GRM7: variants seen among roughly 807,000 people sequenced by gnomAD.
GRM7 encodes metabotropic glutamate receptor 7.
In GRM7, 35 loss-of-function variants were observed where a neutral mutation model predicts 84.5. The ratio of observed to expected loss-of-function variants is 0.41; its 90% CI spans 0.32 to 0.55. The LOEUF is 0.55. Among genes scored for constraint, GRM7 ranks in the 20% least tolerant of loss-of-function variants. The pLI, the probability that GRM7 is intolerant of heterozygous loss-of-function variation, is 0.19. For synonymous variants in GRM7, 487 were observed against 455.1 expected, an observed-to-expected ratio of 1.07 and a Z score of -0.89; for missense variants, 1,003 against 1,194.6, an observed-to-expected ratio of 0.84 and a Z score of 2.36.
chr3:7,329,856 G>T (rs1559240176), intron 4 of GRM7, among the ~76,000 whole-genome samples: 2 of 152,046 alleles, frequency 1.3e-5, no homozygotes, highest in African/African-American at 2.4e-5. Flanking sequence ...CTTTTAAAAT[G>T]TACTTATTTG....
At chr3:7,201,255 G>A (rs1257045847) in intron 2 of GRM7, among the ~76,000 whole-genome samples, 4 of 151,942 alleles carry the variant, frequency 2.6e-5, no homozygotes, top group African/African-American at 9.7e-5. Context: ...TGAGTTTCAG[G>A]GAGGAAACTG....
At chr3:7,035,043 C>A (rs1041747596) in intron 1 of GRM7, among the ~76,000 whole-genome samples, 12 of 152,032 alleles carry the variant, frequency 7.9e-5, no homozygotes, top group African/African-American at 2.9e-4. Flanking sequence ...TGGGGTGGGC[C>A]AGGTCTGGAA....
intron 7 of GRM7, among the ~76,000 whole-genome samples, chr3:7,483,823 A>G (rs1385980474): frequency 6.6e-6 from 1 of 151,932 alleles, no homozygotes; most frequent in Non-Finnish European, 1.5e-5. Flanking sequence ...TATATTGTAT[A>G]TGGAATACTA....
chr3:7,658,161 C>T (rs928313765), intron 8 of GRM7, among the ~76,000 whole-genome samples: 1 of 152,182 alleles, frequency 6.6e-6, no homozygotes, highest in Non-Finnish European at 1.5e-5. Flanking sequence ...CATGTAAACA[C>T]TCTAAAGTCT....
intron 4 of GRM7, among the ~76,000 whole-genome samples, chr3:7,405,872 A>C (rs1029680617): frequency 6.6e-6 from 1 of 152,078 alleles, no homozygotes; most frequent in Admixed American, 6.6e-5. Flanking sequence ...AGGTTATCAC[A>C]TCATCTAATA....
At chr3:7,222,495 C>T (rs1696842509) in intron 2 of GRM7, among the ~76,000 whole-genome samples, 1 of 152,114 alleles carries the variant, frequency 6.6e-6, no homozygotes, top group South Asian at 2.1e-4. Context: ...CCACAGAGAA[C>T]TGAAGTCAGC....
chr3:7,682,336 C>CAAAAAAAAAA (rs905940773), intron 9 of GRM7: 2 of 51,094 alleles, frequency 3.9e-5, no homozygotes, highest in Non-Finnish European at 4.2e-5. Flanking sequence ...AACTCCATCT[C>CAAAAAAAAAA]AAAAAAAAAA....
chr3:7,191,752 A>T (rs1413678417), intron 2 of GRM7, among the ~76,000 whole-genome samples: 1 of 151,662 alleles, frequency 6.6e-6, no homozygotes, highest in African/African-American at 2.4e-5. Flanking sequence ...GGTAAAGTGG[A>T]CTTTAATGGA....
At chr3:7,636,362 T>C (rs1489637462) in intron 8 of GRM7, 1 of 452,580 alleles carries the variant, frequency 2.2e-6, no homozygotes, top group Non-Finnish European at 4.5e-6. Context: ...TCCTATTTAT[T>C]TTCCTGAGCA....
chr3:7,101,104 T>C (rs1311021912), intron 1 of GRM7, among the ~76,000 whole-genome samples: 2 of 151,788 alleles, frequency 1.3e-5, no homozygotes, highest in African/African-American at 4.8e-5. Flanking sequence ...TTCATTTTTC[T>C]GGGAAAATTC....
At chr3:7,632,685 G>A (rs1033445169) in intron 8 of GRM7, among the ~76,000 whole-genome samples, 3 of 152,088 alleles carry the variant, frequency 2.0e-5, no homozygotes, top group African/African-American at 7.2e-5. Flanking sequence ...TATGAATATA[G>A]TTATTTTAAT....
intron 9 of GRM7, among the ~76,000 whole-genome samples, chr3:7,692,512 C>G (rs1700845704): frequency 6.6e-6 from 1 of 152,114 alleles, no homozygotes; most frequent in South Asian, 2.1e-4. Context: ...TATGGGACCA[C>G]CCTGGGGGGC....
intron 1 of GRM7, among the ~76,000 whole-genome samples, chr3:7,141,196 A>G (rs1347906629): frequency 6.6e-6 from 1 of 152,028 alleles, no homozygotes; most frequent in Non-Finnish European, 1.5e-5. Flanking sequence ...CTTACATGGA[A>G]ATCCCAAGAA....
chr3:7,496,406 C>A (rs1004473806), intron 7 of GRM7, among the ~76,000 whole-genome samples: 2 of 151,982 alleles, frequency 1.3e-5, no homozygotes, highest in African/African-American at 4.8e-5. Flanking sequence ...AAATGAGGGA[C>A]AAATGATTCT....
chr3:7,660,167 G>A (rs1699376495), intron 8 of GRM7, among the ~76,000 whole-genome samples: 1 of 152,136 alleles, frequency 6.6e-6, no homozygotes, highest in Non-Finnish European at 1.5e-5. Context: ...AGTTGCAAAG[G>A]TAAACTGTAA....
intron 2 of GRM7, among the ~76,000 whole-genome samples, chr3:7,234,625 G>A (rs763314790): frequency 3.9e-5 from 6 of 152,032 alleles, no homozygotes; most frequent in South Asian, 2.1e-4. Context: ...ATGATTAAAC[G>A]TTTTGAGAAA....
At chr3:7,519,079 G>T (rs1700495829) in intron 7 of GRM7, among the ~76,000 whole-genome samples, 1 of 152,178 alleles carries the variant, frequency 6.6e-6, no homozygotes, top group African/African-American at 2.4e-5. Context: ...TAAGTGACTT[G>T]CTCAGCTAGA....
At chr3:7,081,751 A>T (rs1366714564) in intron 1 of GRM7, among the ~76,000 whole-genome samples, 1 of 152,140 alleles carries the variant, frequency 6.6e-6, no homozygotes, top group African/African-American at 2.4e-5. Context: ...TACTGCAGTG[A>T]ACACACAAAT....
At chr3:7,616,631 T>TA (rs1260444415) in intron 8 of GRM7, among the ~76,000 whole-genome samples, 15 of 152,196 alleles carry the variant, frequency 9.9e-5, no homozygotes, top group Non-Finnish European at 1.9e-4. Context: ...TTTGCTTTTT[T>TA]AAAACAATCA....
Sources: gnomAD v4.1 joint callset for allele counts (sites outside exome capture counted in the v4.1 genomes callset) on GRCh38, gnomAD v4.1.1 for gene constraint, MANE v1.5 for transcripts, NCBI Gene and HGNC (gene_info 2026-07-23, HGNC 2026-07-21) for gene names.